Variants in B3GALT1 observed in about 807,000 individuals in gnomAD.
B3GALT1 encodes the protein beta-1,3-galactosyltransferase 1, also known as UDP-Gal:betaGlcNAc beta 1,3-galactosyltransferase, polypeptide 1.
A neutral mutation model predicts 23.2 loss-of-function variants in B3GALT1; 10 were observed. The ratio of observed to expected loss-of-function variants is 0.43; its 90% CI spans 0.27 to 0.73. The LOEUF (loss-of-function observed/expected upper bound fraction) is 0.73. Among genes scored for constraint, B3GALT1 ranks in the 30% least tolerant of loss-of-function variants. The probability of loss-of-function intolerance (pLI) is 0.21; values close to 1 mark genes in which losing one functional copy is unlikely to be tolerated. For missense variants in B3GALT1, 299 were observed against 405.4 expected (o/e 0.74, Z 2.25); for synonymous variants, 156 against 141.5 (o/e 1.10, Z -0.73).
chr2:167,785,972 A>C (rs112543793), intron 3 of B3GALT1, among the ~76,000 whole-genome samples: 217 of 152,346 alleles, frequency 1.4e-3, no homozygotes, highest in African/African-American at 4.9e-3. Context: ...CAAATCAGCA[A>C]CAACCATTGA....
intron 3 of B3GALT1, among the ~76,000 whole-genome samples, chr2:167,760,503 T>C (rs571131126): frequency 2.6e-5 from 4 of 152,252 alleles, no homozygotes; most frequent in Middle Eastern, 3.4e-3. Context: ...ACTGAGCAAG[T>C]AGGTAATCAG....
intron 1 of B3GALT1, among the ~76,000 whole-genome samples, chr2:167,308,173 T>C (rs1447367625): frequency 1.3e-5 from 2 of 152,040 alleles, no homozygotes; most frequent in Non-Finnish European, 2.9e-5. Context: ...TAATAATATC[T>C]CTATTTTATA....
intron 1 of B3GALT1, among the ~76,000 whole-genome samples, chr2:167,486,586 C>T (rs765972652): frequency 2.6e-5 from 4 of 151,644 alleles, no homozygotes; most frequent in Admixed American, 1.3e-4. Context: ...GGTGTTGTGG[C>T]GCACGCCTGT....
chr2:167,462,005 C>T (rs1359419388), intron 1 of B3GALT1, among the ~76,000 whole-genome samples: 2 of 152,154 alleles, frequency 1.3e-5, no homozygotes, highest in Admixed American at 6.6e-5. Flanking sequence ...AATAACCTCC[C>T]TCACACCACT....
intron 1 of B3GALT1, among the ~76,000 whole-genome samples, chr2:167,418,678 CT>C (rs55702273): frequency 0.89 from 109,601 of 123,016 alleles, 48,985 homozygotes; most frequent in Non-Finnish European, 0.96. Context: ...ATTTCTTCCT[CT>C]TTTTTTTTTT....
At chr2:167,362,493 A>G (rs1574048958) in intron 1 of B3GALT1, among the ~76,000 whole-genome samples, 1 of 152,124 alleles carries the variant, frequency 6.6e-6, no homozygotes. Flanking sequence ...TTTCCGAAGT[A>G]TGAGATTCTC....
intron 4 of B3GALT1, among the ~76,000 whole-genome samples, chr2:167,837,036 A>G (rs1689495929): frequency 6.6e-6 from 1 of 152,232 alleles, no homozygotes. Context: ...AGAACTAAAC[A>G]TGGAAAGGAA....
At chr2:167,669,085 A>C (rs986338871) in intron 3 of B3GALT1, among the ~76,000 whole-genome samples, 1 of 152,026 alleles carries the variant, frequency 6.6e-6, no homozygotes, top group Non-Finnish European at 1.5e-5. Context: ...TTTTTCCGCA[A>C]AACATGTAGC....
At chr2:167,365,968 C>T (rs1487863847) in intron 1 of B3GALT1, among the ~76,000 whole-genome samples, 1 of 152,110 alleles carries the variant, frequency 6.6e-6, no homozygotes, top group Non-Finnish European at 1.5e-5. Context: ...ATGTAAAGTA[C>T]CTGCGCTCTT....
At chr2:167,837,363 G>A (rs1689504096) in intron 4 of B3GALT1, among the ~76,000 whole-genome samples, 3 of 149,186 alleles carry the variant, frequency 2.0e-5, no homozygotes, top group African/African-American at 7.3e-5. Context: ...ACAAAAAAAG[G>A]CAGGGGTTGC....
chr2:167,320,814 G>A (rs919009886), intron 1 of B3GALT1, among the ~76,000 whole-genome samples: 2 of 151,962 alleles, frequency 1.3e-5, no homozygotes, highest in Non-Finnish European at 2.9e-5. Context: ...TTGCCACTAT[G>A]TAATGGCTGT....
intron 3 of B3GALT1, among the ~76,000 whole-genome samples, chr2:167,732,778 C>G (rs969456008): frequency 5.9e-5 from 9 of 152,130 alleles, no homozygotes; most frequent in African/African-American, 1.7e-4. Flanking sequence ...TAACAATAAT[C>G]TATCAGGACC....
At chr2:167,796,331 A>G (rs1434707714) in intron 3 of B3GALT1, among the ~76,000 whole-genome samples, 1 of 152,174 alleles carries the variant, frequency 6.6e-6, no homozygotes, top group East Asian at 1.9e-4. Flanking sequence ...TATGTGCCTT[A>G]TGATTATCTC....
intron 3 of B3GALT1, among the ~76,000 whole-genome samples, chr2:167,759,155 G>A (rs371161238): frequency 1.2e-4 from 19 of 152,168 alleles, no homozygotes; most frequent in African/African-American, 2.9e-4. Flanking sequence ...CACTGACTCC[G>A]TTCTCGAGGT....
At chr2:167,445,242 A>G (rs1698961650) in intron 1 of B3GALT1, among the ~76,000 whole-genome samples, 1 of 152,100 alleles carries the variant, frequency 6.6e-6, no homozygotes, top group South Asian at 2.1e-4. Flanking sequence ...GTTTGTTATA[A>G]TTTCTGTTCT....
chr2:167,632,542 C>A (rs1348586370), intron 2 of B3GALT1, among the ~76,000 whole-genome samples: 3 of 151,874 alleles, frequency 2.0e-5, no homozygotes, highest in Non-Finnish European at 4.4e-5. Flanking sequence ...TCCCTAATGA[C>A]CAGTGAGAAT....
intron 3 of B3GALT1, among the ~76,000 whole-genome samples, chr2:167,800,552 A>G (rs980569707): frequency 6.6e-6 from 1 of 152,246 alleles, no homozygotes; most frequent in African/African-American, 2.4e-5. Context: ...TACTTAGTAC[A>G]CTAAAAGTAC....
intron 3 of B3GALT1, among the ~76,000 whole-genome samples, chr2:167,656,101 T>C (rs1044183086): frequency 5.9e-5 from 9 of 152,148 alleles, no homozygotes; most frequent in Admixed American, 1.3e-4. Context: ...TCCCATCCCA[T>C]AGACATTTTC....
chr2:167,546,470 T>TA (rs1406354666), intron 2 of B3GALT1, among the ~76,000 whole-genome samples: 1 of 152,164 alleles, frequency 6.6e-6, no homozygotes, highest in Admixed American at 6.5e-5. Flanking sequence ...ATCACATTGT[T>TA]AGGCTGTGTG....
Sources: allele counts gnomAD v4.1 joint callset (sites outside exome capture counted in the v4.1 genomes callset), GRCh38; gene constraint gnomAD v4.1.1; transcripts MANE v1.5; gene names NCBI Gene and HGNC (gene_info 2026-07-23, HGNC 2026-07-21).